Variants in ZCCHC8 observed in about 807,000 individuals in gnomAD.
ZCCHC8 encodes the protein zinc finger CCHC domain-containing protein 8.
In ZCCHC8, 27 loss-of-function variants were observed where a neutral mutation model predicts 70.6. The ratio of observed to expected loss-of-function variants is 0.38; its 90% CI spans 0.28 to 0.53. The LOEUF (loss-of-function observed/expected upper bound fraction) is 0.53. Among genes scored for constraint, ZCCHC8 ranks in the 20% least tolerant of loss-of-function variants. The pLI is 0.81. For missense variants in ZCCHC8, 737 were observed against 876.9 expected (o/e 0.84, Z 2.01); for synonymous variants, 293 against 317.4 (o/e 0.92, Z 0.82).
rs61956097 is a variant in ZCCHC8, at chr12:122,476,339, G to T, written c.1345+1502C>A. On this transcript the variant is annotated intron_variant, in intron 13 of 13. Transcript: ENST00000633063. ...CTCATGGCCCAGCACGGTGGCTCAT[G>T]CCAGTAACATTGGGAGGCTGAGGCA... Among the ~76,000 whole-genome samples the T allele has an allele frequency of 2.2e-4, 33 of 151,254 alleles. 2 individuals carry two copies. The highest frequency in any genetic ancestry group is 3.3e-4 in the Admixed American group (5 of 15,198).
intron 11 of ZCCHC8, among the ~76,000 whole-genome samples, chr12:122,479,755 A>G (rs1249004078): frequency 6.6e-6 from 1 of 152,238 alleles, no homozygotes; most frequent in African/African-American, 2.4e-5. Flanking sequence ...TTCAATTAAG[A>G]TTCTAGAAAG....
intron 5 of ZCCHC8, among the ~76,000 whole-genome samples, chr12:122,489,177 A>G (rs910990690): frequency 2.0e-5 from 3 of 152,378 alleles, no homozygotes; most frequent in Middle Eastern, 6.8e-3. Context: ...AAAGTTCTCC[A>G]AAGTATGTTT....
rs1435174609 is a variant in ZCCHC8, at chr12:122,500,323, G to C, written c.199+319C>G. 2.5e-5 allele frequency: 8 copies of C among 316,850 alleles called. No homozygotes were observed. The highest frequency in any genetic ancestry group is 4.7e-5 in the Non-Finnish European group (8 of 171,416). The allele number at this position is 316,850 out of a possible 1,614,324, so 19.6% of individuals were successfully genotyped here. A position where few individuals can be genotyped will look rare whatever the true frequency, so the allele number is the denominator to read the frequency against. On this transcript the variant is annotated intron_variant, in intron 1 of 13. Coordinates refer to ENST00000633063, the MANE Select transcript of ZCCHC8 (RefSeq NM_017612.5). The surrounding 1 kb of genome is among the most constrained non-coding windows in gnomAD (Gnocchi z 4.8). The stretch of plus-strand genomic sequence containing the variant: ...CCTCACCACGACCTCAAACAGAGGG[G>C]GGCAATTAAGGGCTTGTGTACAATC...
Position 122,500,512 on chromosome 12 carries a change from A to C in ZCCHC8, c.199+130T>G. The C allele has an allele frequency of 8.4e-7, 1 of 1,183,770 alleles. No individual in the cohort carries two copies. Among genetic ancestry groups the C allele is most frequent in the Non-Finnish European group, 1.1e-6 (1 of 870,906 alleles). 73.3% of individuals were successfully genotyped at this position (1,183,770 alleles called of 1,614,324 possible). ...GGTCCGCCGGCGGGTGACAGAAAGC[A>C]CTTGGAATTCTGGCCCTCCTGGAAC... On this transcript the variant is annotated intron_variant, in intron 1 of 13. Coordinates refer to ENST00000633063, the MANE Select transcript of ZCCHC8 (RefSeq NM_017612.5). This position sits in a 1 kb window ranked among gnomAD's most constrained non-coding sequence, Gnocchi z 4.8.
Position 122,499,307 on chromosome 12 carries a change from C to A in ZCCHC8, c.200-438G>T, listed in dbSNP as rs568278032. ...TTTTTGAGACACAGTCTCACCCTGT[C>A]GCCCAGGCTGGAGTGCAATGGTGTG... On this transcript the variant is annotated intron_variant, in intron 1 of 13. Transcript: ENST00000633063. 7.7e-4 allele frequency: 132 copies of A among 171,344 alleles called. 1 individual carries two copies. The Middle Eastern group carries it at 0.016, about 21-fold the overall frequency. The allele number at this position is 171,344 out of a possible 1,614,324, so 10.6% of individuals were successfully genotyped here. A position where few individuals can be genotyped will look rare whatever the true frequency, so the allele number is the denominator to read the frequency against.
intron 5 of ZCCHC8, among the ~76,000 whole-genome samples, chr12:122,486,141 G>A (rs529275316): frequency 4.1e-4 from 63 of 152,144 alleles, no homozygotes; most frequent in Non-Finnish European, 7.4e-4. Context: ...ATGGCCAGGC[G>A]TGGTGGCTCA....
At position 122,473,459 on chromosome 12, in the gene ZCCHC8, C is replaced by T. The variant is rs769674185; in HGVS notation, c.*38G>A. 1.0e-5 allele frequency: 16 copies of T among 1,591,578 alleles called. No homozygotes were observed. The African/African-American group carries it at 2.0e-4, about 20-fold the overall frequency. ...ACTTAATTAGTACTAATTAACGGAA[C>T]AAAGTTATTAAATAGCTCTCAGTGC... On this transcript the variant is annotated 3_prime_UTR_variant, in exon 14 of 14. Transcript: ENST00000633063.
At chr12:122,497,818 G>C (rs1957848787) in intron 2 of ZCCHC8, among the ~76,000 whole-genome samples, 2 of 151,650 alleles carry the variant, frequency 1.3e-5, no homozygotes, top group South Asian at 4.2e-4. Context: ...AGACCAGCTT[G>C]AGTAACACAG....
At chr12:122,492,919 G>A (rs1485989227) in intron 2 of ZCCHC8, 130 bp from the exon 3 acceptor site, 1 of 633,750 alleles carries the variant, frequency 1.6e-6, no homozygotes. Context: ...CGCTCGTGCT[G>A]GAGTGCTGTG....
Position 122,500,570 on chromosome 12 carries a change from G to A in ZCCHC8, c.199+72C>T. ...CGCGCCCTCGCCCTCGCCCGGCGCT[G>A]CCCCGGCCCCACGCCTGGCGCTGCC... On this transcript the variant is annotated intron_variant, in intron 1 of 13. Transcript: ENST00000633063. The surrounding 1 kb of genome is among the most constrained non-coding windows in gnomAD (Gnocchi z 4.8). 1 of 1,479,180 alleles carries A rather than the reference G, an allele frequency of 6.8e-7. No homozygotes were observed. The highest frequency in any genetic ancestry group is 2.5e-5 in the East Asian group (1 of 40,268). 91.6% of individuals were successfully genotyped at this position (1,479,180 alleles called of 1,614,324 possible). A position where few individuals can be genotyped will look rare whatever the true frequency, so the allele number is the denominator to read the frequency against.
At chr12:122,486,412 C>CAAAA (rs762392385) in intron 5 of ZCCHC8, among the ~76,000 whole-genome samples, 3 of 50,870 alleles carry the variant, frequency 5.9e-5, no homozygotes, top group African/African-American at 1.9e-4. Context: ...GAGGCTGTCT[C>CAAAA]AAAAAAAAAA....
intron 2 of ZCCHC8, 99 bp downstream of exon 2, chr12:122,498,716 TAAAAATGATACA>T: frequency 3.8e-6 from 4 of 1,065,196 alleles, no homozygotes; most frequent in Non-Finnish European, 4.2e-6. Flanking sequence ...GCTAAACAAA[TAAAAATGATACA>T]AAAATCCCAT....
intron 2 of ZCCHC8, 138 bp downstream of exon 2, chr12:122,498,689 T>C (rs1957869008): frequency 1.2e-6 from 1 of 824,048 alleles, no homozygotes; most frequent in Non-Finnish European, 2.0e-6. Context: ...ACTATTACTT[T>C]GATTTCTTCA....
chr12:122,478,259 C>A lies in ZCCHC8; in HGVS notation c.1174G>T (p.Ala392Ser), dbSNP rs769589035. Residue 392 changes from alanine to serine, a missense_variant, in exon 12 of 14, where the codon GCA (alanine) becomes TCA (serine). Ala to Ser is a moderately conservative substitution (Grantham distance 99). Coordinates refer to ENST00000633063, the MANE Select transcript of ZCCHC8 (RefSeq NM_017612.5). The part of the protein sequence containing the change: ...WRIFGSIPMQ[A>S]CQQKDVFANY... ...GCAAACACATCCTTCTGCTGACATG[C>A]CTGCATTGGTATGGAACCAAAGATC... The A allele has an allele frequency of 1.4e-5, 23 of 1,602,120 alleles. No individual in the cohort carries two copies. The highest frequency in any genetic ancestry group is 2.0e-5 in the Non-Finnish European group (23 of 1,174,402).
chr12:122,489,320 C>G, intron 5 of ZCCHC8, 66 bp downstream of exon 5: 1 of 1,464,504 alleles, frequency 6.8e-7, no homozygotes, highest in Non-Finnish European at 9.4e-7. Context: ...TTTTAAACGC[C>G]ACCCAGTTGA....
At chr12:122,496,388 T>A (rs563139430) in intron 2 of ZCCHC8, among the ~76,000 whole-genome samples, 1 of 152,304 alleles carries the variant, frequency 6.6e-6, no homozygotes, top group East Asian at 1.9e-4. Context: ...ACTAATCCTT[T>A]GTGCTTATAA....
rs1035739994 is a variant in ZCCHC8, at chr12:122,473,431, T to C, written c.*66A>G. ...ACAAACAGGAAAACCATTCTATCTA[T>C]CCACTTAATTAGTACTAATTAACGG... On this transcript the variant is annotated 3_prime_UTR_variant, in exon 14 of 14. Transcript: ENST00000633063. 6.7e-7 allele frequency: 1 copy of C among 1,486,030 alleles called. No homozygotes were observed. Among genetic ancestry groups the C allele is most frequent in the African/African-American group, 1.4e-5 (1 of 71,262 alleles). The allele number at this position is 1,486,030 out of a possible 1,614,324, so 92.1% of individuals were successfully genotyped here. A position where few individuals can be genotyped will look rare whatever the true frequency, so the allele number is the denominator to read the frequency against.
Position 122,500,585 on chromosome 12 carries a change from C to G in ZCCHC8, c.199+57G>C. ...GCCCGGCGCTGCCCCGGCCCCACGC[C>G]TGGCGCTGCCCCGGCCCCACACCCG... On this transcript the variant is annotated intron_variant, in intron 1 of 13. Transcript: ENST00000633063. This position sits in a 1 kb window ranked among gnomAD's most constrained non-coding sequence, Gnocchi z 4.8. The G allele has an allele frequency of 6.7e-7, 1 of 1,503,628 alleles. No individual in the cohort carries two copies. The highest frequency in any genetic ancestry group is 8.9e-7 in the Non-Finnish European group (1 of 1,126,758). The allele number at this position is 1,503,628 out of a possible 1,614,324, so 93.1% of individuals were successfully genotyped here.
chr12:122,491,389 C>G (rs1467877907), intron 3 of ZCCHC8, among the ~76,000 whole-genome samples: 1 of 151,112 alleles, frequency 6.6e-6, no homozygotes, highest in Non-Finnish European at 1.5e-5. Context: ...ATTAGCCAGG[C>G]CTGGTGGCAG....
Sources: allele counts gnomAD v4.1 joint callset (sites outside exome capture counted in the v4.1 genomes callset), GRCh38; gene constraint gnomAD v4.1.1; non-coding constraint Gnocchi (gnomAD v3.1); transcripts MANE v1.5; gene names NCBI Gene and HGNC (gene_info 2026-07-23, HGNC 2026-07-21).